Variants in ZSCAN5B observed in about 807,000 individuals in gnomAD.
The protein encoded by ZSCAN5B is zinc finger and SCAN domain containing 5B, also known as zinc finger and SCAN domain-containing protein 5B.
In ZSCAN5B, 26 loss-of-function variants were observed where a neutral mutation model predicts 25.2. The observed-to-expected ratio is 1.03, with a 90% CI of 0.76 to 1.43. The LOEUF (loss-of-function observed/expected upper bound fraction) is 1.43. ZSCAN5B is among the 40% of genes most tolerant of loss of function. The pLI is 0.00. For missense variants in ZSCAN5B, 745 were observed against 622.1 expected, an observed-to-expected ratio of 1.20 and a Z score of -2.10; for synonymous variants, 244 against 240.9, an observed-to-expected ratio of 1.01 and a Z score of -0.12.
intron 1 of ZSCAN5B, among the ~76,000 whole-genome samples, chr19:56,195,133 A>C (rs1317503221): frequency 6.6e-6 from 1 of 152,150 alleles, no homozygotes; most frequent in East Asian, 1.9e-4. Context: ...CGAGTACCCC[A>C]CACTTCCTGG....
exon 2 of ZSCAN5B, chr19:56,192,980 A>T: frequency 6.2e-7 from 1 of 1,608,570 alleles, no homozygotes; most frequent in Non-Finnish European, 8.5e-7. Context: ...GACGCCACAG[A>T]CCGTGGAGTG....
chr19:56,192,183 A>G, intron 2 of ZSCAN5B, 130 bp from the exon 3 acceptor site: 1 of 887,176 alleles, frequency 1.1e-6, no homozygotes. Context: ...ATGCAGAATC[A>G]GCTCTGTGGA....
At chr19:56,191,710 T>G in intron 3 of ZSCAN5B, 140 bp downstream of exon 3, 1 of 650,562 alleles carries the variant, frequency 1.5e-6, no homozygotes, top group Non-Finnish European at 2.3e-6. Flanking sequence ...CAGGAATGAA[T>G]GTTTGGGGAT....
intron 1 of ZSCAN5B, among the ~76,000 whole-genome samples, chr19:56,193,500 G>A (rs1404700194): frequency 6.6e-6 from 1 of 152,194 alleles, no homozygotes; most frequent in Non-Finnish European, 1.5e-5. Context: ...AATAATGTCA[G>A]TTCTTTATGT....
rs747403791 is a variant in ZSCAN5B at position 56,191,803 on chromosome 19, G to T, written c.588+47C>A. ...TTCTGCAGCCACACGATTTCCTCCT[G>T]TTCCTTCTCCCACCTCTGCCCAGAC... On this transcript the variant is annotated intron_variant, in intron 3 of 4. Coordinates refer to ENST00000586855, the Ensembl canonical transcript of ZSCAN5B. The T allele has an allele frequency of 1.9e-6, 3 of 1,593,106 alleles. No homozygotes were observed. The South Asian group carries it at 3.3e-5, about 18-fold the overall frequency.
chr19:56,191,395 CT>C (rs2032731120), intron 3 of ZSCAN5B, among the ~76,000 whole-genome samples: 1 of 152,174 alleles, frequency 6.6e-6, no homozygotes, highest in African/African-American at 2.4e-5. Flanking sequence ...CCCACCACCC[CT>C]GAGAATGCCA....
chr19:56,192,848 A>G, exon 2 of ZSCAN5B: 1 of 1,613,846 alleles, frequency 6.2e-7, no homozygotes, highest in Non-Finnish European at 8.5e-7. Flanking sequence ...CACAGATGGC[A>G]CAGCTCAGTG....
chr19:56,190,087 G>T, exon 5 of ZSCAN5B: 6 of 1,614,032 alleles, frequency 3.7e-6, no homozygotes, highest in Non-Finnish European at 5.1e-6. Context: ...CACATGTAGG[G>T]CCTCTCGCCA....
chr19:56,193,860 G>C (rs1326153579), intron 1 of ZSCAN5B, among the ~76,000 whole-genome samples: 1 of 151,798 alleles, frequency 6.6e-6, no homozygotes, highest in Non-Finnish European at 1.5e-5. Flanking sequence ...TACTCGGGAG[G>C]CTGAGGCAGG....
At chr19:56,193,689 G>A (rs1434439032) in intron 1 of ZSCAN5B, among the ~76,000 whole-genome samples, 4 of 152,152 alleles carry the variant, frequency 2.6e-5, no homozygotes, top group African/African-American at 4.8e-5. Context: ...GAGGCCGGGC[G>A]CGGTGGCCCA....
exon 5 of ZSCAN5B, chr19:56,189,720 G>C: frequency 7.5e-7 from 1 of 1,330,002 alleles, no homozygotes; most frequent in Non-Finnish European, 1.0e-6. Flanking sequence ...TCAAACATCC[G>C]GGCAATTCCT....
In ZSCAN5B at chr19:56,191,051, T is replaced by C. The variant is rs1353670369; in HGVS notation, c.589-64A>G. 8 of 1,607,646 alleles carry C rather than the reference T, an allele frequency of 5.0e-6. No individual in the cohort carries two copies. The African/African-American group carries it at 1.1e-4, about 22-fold the overall frequency. ...ATACTGGTGGAAGTAGGGACATGTC[T>C]GTCCCCTCCTGACTGGACACACCAG... On this transcript the variant is annotated intron_variant, in intron 3 of 4. Transcript: ENST00000586855.
chr19:56,189,749 A>G (rs2032696420), exon 5 of ZSCAN5B: 2 of 1,503,248 alleles, frequency 1.3e-6, no homozygotes, highest in Non-Finnish European at 1.8e-6. Context: ...CTTTATGTGT[A>G]TATGTCATCT....
rs998280081 is a variant in ZSCAN5B, at chr19:56,194,294, G to T, written c.-127-1115C>A. ...GGTAGTGGGATCATACCATAGAGCGGTTTTTTCTTTTTTCTTTTTGAGACA... is the reference window on the plus strand; with the variant it reads ...GGTAGTGGGATCATACCATAGAGCGTTTTTTTCTTTTTTCTTTTTGAGACA... On this transcript the variant is annotated intron_variant, in intron 1 of 4. Transcript: ENST00000586855. Among the ~76,000 whole-genome samples, 6 of 152,118 alleles carry T rather than the reference G, an allele frequency of 3.9e-5. No homozygotes were observed. In the South Asian group the frequency reaches 6.2e-4, roughly 16 times the overall value.
chr19:56,194,419 T>G (rs375180794), intron 1 of ZSCAN5B, among the ~76,000 whole-genome samples: 3 of 152,062 alleles, frequency 2.0e-5, no homozygotes, highest in Non-Finnish European at 4.4e-5. Context: ...GCTTCCCAAG[T>G]AGCTGGGACT....
chr19:56,194,604 T>A (rs1039650099), intron 1 of ZSCAN5B, among the ~76,000 whole-genome samples: 3 of 152,132 alleles, frequency 2.0e-5, no homozygotes, highest in Non-Finnish European at 2.9e-5. Flanking sequence ...CCTACATTTT[T>A]AAAAAATTTT....
intron 1 of ZSCAN5B, 29 bp from the exon 2 acceptor site, chr19:56,193,208 T>C: frequency 1.1e-6 from 1 of 915,108 alleles, no homozygotes; most frequent in South Asian, 2.1e-5. Flanking sequence ...AGCCCGATTA[T>C]TTTAACTTTC....
chr19:56,196,578 C>T (rs535668293), intron 1 of ZSCAN5B, among the ~76,000 whole-genome samples: 5 of 152,110 alleles, frequency 3.3e-5, no homozygotes, highest in South Asian at 2.1e-4. Flanking sequence ...TGCTGTGCAC[C>T]GGACATATAC....
chr19:56,195,443 C>T (rs933028358), intron 1 of ZSCAN5B, among the ~76,000 whole-genome samples: 7 of 151,884 alleles, frequency 4.6e-5, no homozygotes, highest in East Asian at 1.9e-4. Context: ...GCACCCCTCA[C>T]GCCTGCTAGA....
Sources: gnomAD v4.1 joint callset for allele counts (sites outside exome capture counted in the v4.1 genomes callset) on GRCh38, gnomAD v4.1.1 for gene constraint, MANE v1.5 for transcripts, NCBI Gene and HGNC (gene_info 2026-07-23, HGNC 2026-07-21) for gene names.